MAPK8: variants seen among roughly 807,000 people sequenced by gnomAD.
MAPK8 encodes the protein mitogen-activated protein kinase 8.
Under a neutral mutation model 52.9 loss-of-function variants are expected in MAPK8, and 13 were observed. The observed-to-expected ratio is 0.25, with a 90% CI of 0.16 to 0.39. The LOEUF is 0.39. Ranked by LOEUF, MAPK8 falls within the 10% of genes least tolerant of loss-of-function variation. MAPK8 has a pLI of 1.00. For synonymous variants in MAPK8, 191 were observed against 169.8 expected (o/e 1.12, Z -0.97); for missense variants, 300 against 519.2 (o/e 0.58, Z 4.10).
intron 1 of MAPK8, among the ~76,000 whole-genome samples, chr10:48,384,555 A>T (rs1350512079): frequency 6.6e-6 from 1 of 152,354 alleles, no homozygotes; most frequent in East Asian, 1.9e-4. Context: ...CAAAAAAAGC[A>T]TAATATATGT....
At chr10:48,330,703 C>G (rs1844050142) in intron 1 of MAPK8, among the ~76,000 whole-genome samples, 1 of 152,150 alleles carries the variant, frequency 6.6e-6, no homozygotes, top group African/African-American at 2.4e-5. Flanking sequence ...AGGTCTCTTC[C>G]CCAGTTCCTC....
intron 10 of MAPK8, among the ~76,000 whole-genome samples, chr10:48,428,802 G>GT (rs1022989303): frequency 1.3e-5 from 2 of 151,906 alleles, no homozygotes; most frequent in Non-Finnish European, 2.9e-5. Context: ...GAATCTTGTG[G>GT]TTTTTTTGGT....
At chr10:48,352,741 A>G (rs1846458047) in intron 1 of MAPK8, among the ~76,000 whole-genome samples, 2 of 152,218 alleles carry the variant, frequency 1.3e-5, no homozygotes, top group South Asian at 4.1e-4. Context: ...CTCTTATTCA[A>G]CAAAATATTG....
intron 1 of MAPK8, among the ~76,000 whole-genome samples, chr10:48,350,292 A>G (rs1846183522): frequency 6.6e-6 from 1 of 152,220 alleles, no homozygotes; most frequent in Admixed American, 6.5e-5. Context: ...TCCTGATACC[A>G]AAACCTGGCA....
chr10:48,313,884 T>G (rs556749272), intron 1 of MAPK8, among the ~76,000 whole-genome samples: 37 of 152,164 alleles, frequency 2.4e-4, no homozygotes, highest in Non-Finnish European at 4.4e-4. Flanking sequence ...GCCTCCTGAG[T>G]AGCTGGGATT....
At chr10:48,399,306 T>G (rs2042041302) in intron 1 of MAPK8, among the ~76,000 whole-genome samples, 1 of 152,208 alleles carries the variant, frequency 6.6e-6, no homozygotes, top group African/African-American at 2.4e-5. Context: ...TTAAATCAGG[T>G]TTGAATATTG....
intron 1 of MAPK8, among the ~76,000 whole-genome samples, chr10:48,324,073 G>A (rs937340160): frequency 1.3e-5 from 2 of 152,068 alleles, no homozygotes; most frequent in South Asian, 2.1e-4. Flanking sequence ...AGAATATTAC[G>A]GTAAACACCT....
At chr10:48,393,343 T>G (rs1455775300) in intron 1 of MAPK8, among the ~76,000 whole-genome samples, 5 of 152,174 alleles carry the variant, frequency 3.3e-5, no homozygotes, top group African/African-American at 1.2e-4. Flanking sequence ...CTCTTTATCT[T>G]CAAGATTATA....
At chr10:48,426,930 T>C (rs1255805667) in intron 9 of MAPK8, 150 bp from the exon 10 acceptor site, 2 of 585,616 alleles carry the variant, frequency 3.4e-6, no homozygotes, top group Admixed American at 2.9e-5. Flanking sequence ...TCCTAAACTA[T>C]TATGTCTGTA....
rs536729925 is a variant in MAPK8, at chr10:48,436,813, A to G, written c.*1784A>G. On this transcript the variant is annotated 3_prime_UTR_variant, in exon 12 of 12. Coordinates refer to ENST00000374189, the MANE Select transcript of MAPK8 (RefSeq NM_001323329.2). The stretch of plus-strand genomic sequence containing the variant: ...CAGCCTTTTTATCAGTCCCTTTTCT[A>G]ATACAACAAGGTGCATTAATTTGAT... 8.5e-5 allele frequency: 13 copies of G among 152,318 alleles called. No individual in the cohort carries two copies. The highest frequency in any genetic ancestry group is 5.9e-4 in the Admixed American group (9 of 15,288). The allele number at this position is 152,318 out of a possible 1,614,324, so 9.4% of individuals were successfully genotyped here.
intron 1 of MAPK8, among the ~76,000 whole-genome samples, chr10:48,364,236 C>T (rs1304347794): frequency 6.6e-6 from 1 of 152,096 alleles, no homozygotes; most frequent in Admixed American, 6.5e-5. Flanking sequence ...GCAGGGAGCT[C>T]ACTGCGTTAA....
chr10:48,337,532 C>T (rs1844812715), intron 1 of MAPK8, among the ~76,000 whole-genome samples: 9 of 151,802 alleles, frequency 5.9e-5, no homozygotes, highest in Admixed American at 5.3e-4. Flanking sequence ...TAACATTGCC[C>T]CTAAAGGAAC....
rs557626117 is a variant in MAPK8 at position 48,362,114 on chromosome 10, G to C, written c.-49-39498G>C. On this transcript the variant is annotated intron_variant, in intron 1 of 11. Transcript: ENST00000374189. ...CCTTTTTCCAGCTTTATTTCCTGCA[G>C]TGGATCCTTTATGAAACCTGTATGC... Among the ~76,000 whole-genome samples, 5 of 152,226 alleles carry C rather than the reference G, an allele frequency of 3.3e-5. No individual in the cohort carries two copies. The East Asian group carries it at 9.6e-4, about 29-fold the overall frequency.
At chr10:48,325,594 C>T (rs1458279377) in intron 1 of MAPK8, among the ~76,000 whole-genome samples, 1 of 152,048 alleles carries the variant, frequency 6.6e-6, no homozygotes, top group African/African-American at 2.4e-5. Flanking sequence ...TACCCCAGAC[C>T]CAATTTCTCC....
chr10:48,331,737 A>G (rs1006690706), intron 1 of MAPK8, among the ~76,000 whole-genome samples: 2 of 152,188 alleles, frequency 1.3e-5, no homozygotes, highest in Admixed American at 1.3e-4. Context: ...TATGGCCAGT[A>G]TATAATTTCT....
At chr10:48,327,315 C>T (rs770814694) in intron 1 of MAPK8, among the ~76,000 whole-genome samples, 9 of 152,196 alleles carry the variant, frequency 5.9e-5, no homozygotes, top group Non-Finnish European at 1.3e-4. Flanking sequence ...TTTTGTCAGA[C>T]GCTTTGTCTG....
At chr10:48,425,264 T>G (rs1199422309) in intron 7 of MAPK8, 1 of 721,548 alleles carries the variant, frequency 1.4e-6, no homozygotes, top group Non-Finnish European at 2.6e-6. Flanking sequence ...GTGTAAAGAC[T>G]AGAGGAAAGG....
intron 1 of MAPK8, among the ~76,000 whole-genome samples, chr10:48,343,641 G>A (rs565443263): frequency 5.9e-5 from 9 of 152,328 alleles, no homozygotes; most frequent in African/African-American, 1.9e-4. Flanking sequence ...TAGCCTCAGA[G>A]AGTGGAAGCC....
At chr10:48,318,816 G>A (rs1008168857) in intron 1 of MAPK8, among the ~76,000 whole-genome samples, 51 of 152,232 alleles carry the variant, frequency 3.4e-4, no homozygotes, top group African/African-American at 1.2e-3. Context: ...AGGGAGGCTA[G>A]ACGAACAAGA....
Sources: allele counts gnomAD v4.1 joint callset (sites outside exome capture counted in the v4.1 genomes callset), GRCh38; gene constraint gnomAD v4.1.1; transcripts MANE v1.5; gene names NCBI Gene and HGNC (gene_info 2026-07-23, HGNC 2026-07-21).